PIAS1: variants seen among roughly 807,000 people sequenced by gnomAD.
The protein encoded by PIAS1 is protein inhibitor of activated STAT 1, also known as E3 SUMO-protein ligase PIAS1.
PIAS1 carries 6 observed loss-of-function variants against 71.3 expected under a neutral mutation model. That is an observed-to-expected ratio of 0.08 (90% CI 0.05 to 0.17). The LOEUF (loss-of-function observed/expected upper bound fraction) is 0.17. Among genes scored for constraint, PIAS1 ranks in the 10% least tolerant of loss-of-function variants. The probability of loss-of-function intolerance (pLI) is 1.00; values close to 1 mark genes in which losing one functional copy is unlikely to be tolerated. For synonymous variants in PIAS1, 303 were observed against 292.9 expected, an observed-to-expected ratio of 1.03 and a Z score of -0.35; for missense variants, 555 against 793.6, an observed-to-expected ratio of 0.70 and a Z score of 3.61.
intron 7 of PIAS1, among the ~76,000 whole-genome samples, chr15:68,156,726 A>AG (rs2092892162): frequency 1.3e-5 from 2 of 150,308 alleles, no homozygotes; most frequent in African/African-American, 4.9e-5. Flanking sequence ...AAAAAAAAAA[A>AG]AAGAGAGAGA....
At chr15:68,159,108 G>A (rs1411724481) in intron 7 of PIAS1, among the ~76,000 whole-genome samples, 1 of 152,118 alleles carries the variant, frequency 6.6e-6, no homozygotes, top group Non-Finnish European at 1.5e-5. Context: ...CTTTATTATA[G>A]TCATATAATA....
chr15:68,188,061 G>GT lies in PIAS1; in HGVS notation c.*229dup, dbSNP rs1044762445. Reference sequence around the variant, plus strand: ...AGACTGCCTGTGTGATAAAACACTTGTTTAAAAAAAAAAAGGAAAGAAAAG... The same window carrying GT: ...AGACTGCCTGTGTGATAAAACACTTGTTTTAAAAAAAAAAAGGAAAGAAAAG... On this transcript the variant is annotated 3_prime_UTR_variant, in exon 14 of 14. Coordinates refer to ENST00000249636, the MANE Select transcript of PIAS1 (RefSeq NM_016166.3). 25 of 298,592 alleles carry GT rather than the reference G, an allele frequency of 8.4e-5. 2 individuals are homozygous for GT. In the Admixed American group the frequency reaches 1.0e-3, roughly 12 times the overall value. The allele number at this position is 298,592 out of a possible 1,614,324, so 18.5% of individuals were successfully genotyped here. A position where few individuals can be genotyped will look rare whatever the true frequency, so the allele number is the denominator to read the frequency against.
intron 2 of PIAS1, among the ~76,000 whole-genome samples, chr15:68,118,972 A>G (rs1240381893): frequency 6.6e-6 from 1 of 152,102 alleles, no homozygotes; most frequent in Non-Finnish European, 1.5e-5. Flanking sequence ...GCTTCTGCAC[A>G]GCAAAGGAAA....
At chr15:68,146,749 T>C in intron 6 of PIAS1, 49 bp downstream of exon 6, 1 of 1,336,130 alleles carries the variant, frequency 7.5e-7, no homozygotes, top group Non-Finnish European at 1.1e-6. Context: ...AAGGAGGGGT[T>C]AATCACCATG....
chr15:68,144,380 C>T (rs2092793428), intron 4 of PIAS1, among the ~76,000 whole-genome samples: 1 of 152,052 alleles, frequency 6.6e-6, no homozygotes, highest in South Asian at 2.1e-4. Flanking sequence ...TTATGTTGTG[C>T]CTCCCTGCTC....
chr15:68,153,674 C>G lies in PIAS1; in HGVS notation c.913C>G (p.Pro305Ala), dbSNP rs377749145. 1.3e-6 allele frequency: 2 copies of G among 1,553,846 alleles called. No individual in the cohort carries two copies. The highest frequency in any genetic ancestry group is 1.8e-6 in the Non-Finnish European group (2 of 1,125,696). Residue 305 changes from proline (P) to alanine (A), a missense_variant, in exon 7 of 14, where the codon CCG becomes GCG. Around this residue, in one of 5 missense-constraint regions of PIAS1, gnomAD observed 49 missense variants for 129.2 expected, o/e 0.38. Coordinates refer to ENST00000249636, the MANE Select transcript of PIAS1 (RefSeq NM_016166.3). Reference protein sequence around the residue: ...QRLRAKGIRNPDHSRALIKEK... With the variant: ...QRLRAKGIRNADHSRALIKEK... Reference sequence around the variant, plus strand: ...GTTACGAGCAAAGGGAATAAGGAATCCGGATCATTCTAGAGCTTTAAGTAC... The same window carrying G: ...GTTACGAGCAAAGGGAATAAGGAATGCGGATCATTCTAGAGCTTTAAGTAC...
intron 2 of PIAS1, among the ~76,000 whole-genome samples, chr15:68,115,683 T>TGTCTATTATCGATTTGAAGATGTTTAC (rs1252174276): frequency 6.6e-6 from 1 of 152,124 alleles, no homozygotes; most frequent in Non-Finnish European, 1.5e-5. Flanking sequence ...TTTTCATAGC[T>TGTCTATTATCGATTTGAAGATGTTTAC]GTCTATTATC....
chr15:68,055,566 G>A (rs918486098), intron 1 of PIAS1, among the ~76,000 whole-genome samples: 1 of 152,032 alleles, frequency 6.6e-6, no homozygotes, highest in Non-Finnish European at 1.5e-5. Flanking sequence ...TGGTTTAGTA[G>A]CAGGCAGTTC....
intron 11 of PIAS1, among the ~76,000 whole-genome samples, chr15:68,179,553 C>T (rs10152713): frequency 0.35 from 36,008 of 102,190 alleles, 5,126 homozygotes; most frequent in Middle Eastern, 0.47. Flanking sequence ...CTTGTCATCT[C>T]GTGAAATGTT....
chr15:68,055,546 T>C (rs2091886337), intron 1 of PIAS1, among the ~76,000 whole-genome samples: 2 of 152,088 alleles, frequency 1.3e-5, no homozygotes, highest in Admixed American at 6.6e-5. Flanking sequence ...GGGCTCCGCT[T>C]GAATAATTTT....
chr15:68,149,310 T>A (rs1279991396), intron 6 of PIAS1, among the ~76,000 whole-genome samples: 2 of 151,738 alleles, frequency 1.3e-5, no homozygotes, highest in African/African-American at 4.8e-5. Flanking sequence ...GGGCTGACAT[T>A]GATTCTCCTG....
At chr15:68,071,966 AAAG>A in intron 1 of PIAS1, among the ~76,000 whole-genome samples, 1 of 151,844 alleles carries the variant, frequency 6.6e-6, no homozygotes, top group African/African-American at 2.4e-5. Context: ...GAAAATTAAA[AAAG>A]GTGATTACTG....
At position 68,178,169 on chromosome 15, in the gene PIAS1, CT is replaced by C. The variant is rs2093031847; in HGVS notation, c.1481+1516del. On this transcript the variant is annotated intron_variant, in intron 11 of 13. Coordinates refer to ENST00000249636, the MANE Select transcript of PIAS1 (RefSeq NM_016166.3). The surrounding 1 kb of genome is among the most constrained non-coding windows in gnomAD (Gnocchi z 4.2). Reference sequence around the variant, plus strand: ...CCTGTTGTCCCAACTACTCGGAGGGCTGATGGGGGAGGATCACTTGAACCTG... The same window carrying C: ...CCTGTTGTCCCAACTACTCGGAGGGCGATGGGGGAGGATCACTTGAACCTG... 6.6e-6 allele frequency among the ~76,000 whole-genome samples: 1 copy of C among 152,180 alleles called. No homozygotes were observed. The highest frequency in any genetic ancestry group is 2.4e-5 in the African/African-American group (1 of 41,432).
At chr15:68,139,404 G>A (rs932309508) in intron 2 of PIAS1, among the ~76,000 whole-genome samples, 1 of 152,158 alleles carries the variant, frequency 6.6e-6, no homozygotes, top group Non-Finnish European at 1.5e-5. Flanking sequence ...TCAATGATCT[G>A]CAAACTTATT....
intron 1 of PIAS1, among the ~76,000 whole-genome samples, chr15:68,081,587 A>T (rs1029693690): frequency 3.9e-5 from 6 of 152,212 alleles, no homozygotes; most frequent in Non-Finnish European, 7.3e-5. Flanking sequence ...ATGTAGAGGA[A>T]AAAGAAAAGA....
At chr15:68,083,478 TTCTTA>T (rs2092248440) in intron 1 of PIAS1, among the ~76,000 whole-genome samples, 3 of 152,200 alleles carry the variant, frequency 2.0e-5, no homozygotes, top group South Asian at 2.1e-4. Flanking sequence ...CCACATTCTT[TTCTTA>T]TCTTAATCGC....
At chr15:68,175,258 T>G (rs1406310872) in intron 9 of PIAS1, among the ~76,000 whole-genome samples, 1 of 152,190 alleles carries the variant, frequency 6.6e-6, no homozygotes, top group African/African-American at 2.4e-5. Context: ...ATGTTTTGCT[T>G]TAGTTTATCA....
chr15:68,084,618 G>A (rs2092262013), intron 1 of PIAS1, among the ~76,000 whole-genome samples: 1 of 152,072 alleles, frequency 6.6e-6, no homozygotes, highest in East Asian at 1.9e-4. Flanking sequence ...CGCTGTAGAT[G>A]CTACCTCCCA....
chr15:68,154,030 G>A (rs895111948), intron 7 of PIAS1: 2 of 201,898 alleles, frequency 9.9e-6, no homozygotes, highest in African/African-American at 4.7e-5. Flanking sequence ...CAGGAAAAAT[G>A]TACAGAATTA....
Sources: allele counts gnomAD v4.1 joint callset (sites outside exome capture counted in the v4.1 genomes callset), GRCh38; gene constraint gnomAD v4.1.1; regional missense constraint gnomAD v4.1.1; non-coding constraint Gnocchi (gnomAD v3.1); transcripts MANE v1.5; gene names NCBI Gene and HGNC (gene_info 2026-07-23, HGNC 2026-07-21).